DRC11: variants seen among roughly 807,000 people sequenced by gnomAD.
DRC11 encodes IQ and AAA domain-containing protein 1.
chr2:236,423,680 A>T, the DRC11 span, among the ~76,000 whole-genome samples: 1 of 152,166 alleles, frequency 6.6e-6, no homozygotes, highest in Non-Finnish European at 1.5e-5. Flanking sequence ...ATACTATTTG[A>T]CCCAGCCATC....
At chr2:236,491,180 T>TATATATATATATATATATAC in the DRC11 span, among the ~76,000 whole-genome samples, 1 of 43,718 alleles carries the variant, frequency 2.3e-5, no homozygotes, top group Non-Finnish European at 4.2e-5. Context: ...TATATATATA[T>TATATATATATATATATATAC]ACACACAGTA....
chr2:236,390,517 T>C, the DRC11 span, among the ~76,000 whole-genome samples: 2 of 152,204 alleles, frequency 1.3e-5, no homozygotes, highest in East Asian at 3.8e-4. This position sits in a 1 kb window ranked among gnomAD's most constrained non-coding sequence, Gnocchi z 5.9. Context: ...GTTATTTCTA[T>C]TTTGAGGTTC....
chr2:236,332,617 G>A, the DRC11 span: 1 of 152,158 alleles, frequency 6.6e-6, no homozygotes, highest in Non-Finnish European at 1.5e-5. This position sits in a 1 kb window ranked among gnomAD's most constrained non-coding sequence, Gnocchi z 5.1. Flanking sequence ...CCTGGTAAGC[G>A]GTTAATTCTG....
chr2:236,496,766 C>G, the DRC11 span, among the ~76,000 whole-genome samples: 2 of 152,166 alleles, frequency 1.3e-5, no homozygotes, highest in Non-Finnish European at 1.5e-5. This position sits in a 1 kb window ranked among gnomAD's most constrained non-coding sequence, Gnocchi z 6.3. Context: ...CAATAGGGAA[C>G]CTGTGACCAA....
the DRC11 span, among the ~76,000 whole-genome samples, chr2:236,500,121 C>CGGT: frequency 7.1e-6 from 1 of 140,140 alleles, no homozygotes; most frequent in East Asian, 2.2e-4. This position sits in a 1 kb window ranked among gnomAD's most constrained non-coding sequence, Gnocchi z 6.3. Flanking sequence ...ATGATGATGG[C>CGGT]GAAGGTAACA....
At chr2:236,380,712 CG>C in the DRC11 span, 1 of 1,122,608 alleles carries the variant, frequency 8.9e-7, no homozygotes, top group Non-Finnish European at 1.3e-6. The surrounding 1 kb of genome is among the most constrained non-coding windows in gnomAD (Gnocchi z 4.9). Context: ...TAGCTAAGCA[CG>C]TTGTTTTCTG....
At chr2:236,394,702 T>C in the DRC11 span, among the ~76,000 whole-genome samples, 2 of 151,916 alleles carry the variant, frequency 1.3e-5, no homozygotes, top group Non-Finnish European at 2.9e-5. The surrounding 1 kb of genome is among the most constrained non-coding windows in gnomAD (Gnocchi z 7.0). Flanking sequence ...GAAGGGGTTG[T>C]CTGCCACACA....
the DRC11 span, among the ~76,000 whole-genome samples, chr2:236,387,078 TC>T: frequency 8.5e-5 from 13 of 152,090 alleles, no homozygotes; most frequent in Non-Finnish European, 1.0e-4. Context: ...GAGCTTTACT[TC>T]CCAGTATGTG....
the DRC11 span, among the ~76,000 whole-genome samples, chr2:236,467,994 T>G: frequency 6.6e-6 from 1 of 152,296 alleles, no homozygotes; most frequent in South Asian, 2.1e-4. Flanking sequence ...TAAAATCAGT[T>G]AAAAGAGAAA....
At chr2:236,497,147 A>C in the DRC11 span, 1 of 1,580,688 alleles carries the variant, frequency 6.3e-7, no homozygotes, top group Non-Finnish European at 8.6e-7. The surrounding 1 kb of genome is among the most constrained non-coding windows in gnomAD (Gnocchi z 5.1). Flanking sequence ...TAATAAGAAA[A>C]CAACAGAGTG....
At chr2:236,320,425 C>T in the DRC11 span, among the ~76,000 whole-genome samples, 5 of 152,218 alleles carry the variant, frequency 3.3e-5, no homozygotes, top group Non-Finnish European at 4.4e-5. Flanking sequence ...TGACCACCTA[C>T]CACAATTACG....
the DRC11 span, among the ~76,000 whole-genome samples, chr2:236,359,073 G>C: frequency 1.3e-5 from 2 of 152,008 alleles, no homozygotes; most frequent in African/African-American, 4.8e-5. The surrounding 1 kb of genome is among the most constrained non-coding windows in gnomAD (Gnocchi z 4.3). Flanking sequence ...ACAGGCAAGG[G>C]AAGGCCAGGG....
chr2:236,346,841 G>A, the DRC11 span: 23,634 of 166,896 alleles, frequency 0.14, 1,843 homozygotes, highest in Admixed American at 0.19. Context: ...AAGATCTCAG[G>A]GGTTGGGCGA....
At chr2:236,472,554 GT>G in the DRC11 span, among the ~76,000 whole-genome samples, 1 of 152,146 alleles carries the variant, frequency 6.6e-6, no homozygotes, top group East Asian at 1.9e-4. The surrounding 1 kb of genome is among the most constrained non-coding windows in gnomAD (Gnocchi z 4.6). Context: ...AAAAGTTATA[GT>G]TGTTGATAGT....
the DRC11 span, among the ~76,000 whole-genome samples, chr2:236,393,355 G>A: frequency 6.6e-5 from 10 of 152,140 alleles, no homozygotes; most frequent in Non-Finnish European, 8.8e-5. The surrounding 1 kb of genome is among the most constrained non-coding windows in gnomAD (Gnocchi z 4.7). Flanking sequence ...AGAGGCTGCA[G>A]GCCTCCAAGG....
At chr2:236,364,745 A>T in the DRC11 span, among the ~76,000 whole-genome samples, 9 of 152,212 alleles carry the variant, frequency 5.9e-5, no homozygotes, top group Non-Finnish European at 1.3e-4. Flanking sequence ...AAGTGCTGTG[A>T]TCAAATCATT....
the DRC11 span, among the ~76,000 whole-genome samples, chr2:236,413,524 T>A: frequency 6.6e-6 from 1 of 152,226 alleles, no homozygotes; most frequent in Non-Finnish European, 1.5e-5. The surrounding 1 kb of genome is among the most constrained non-coding windows in gnomAD (Gnocchi z 4.0). Context: ...TGTTCTAAAA[T>A]AACCTAAGAA....
the DRC11 span, among the ~76,000 whole-genome samples, chr2:236,477,533 T>C: frequency 3.3e-5 from 5 of 152,110 alleles, no homozygotes; most frequent in Non-Finnish European, 7.4e-5. Context: ...AGTGGGCCCA[T>C]GCAGTTCAAA....
chr2:236,454,130 G>A, the DRC11 span, among the ~76,000 whole-genome samples: 2 of 152,156 alleles, frequency 1.3e-5, no homozygotes, highest in African/African-American at 4.8e-5. The surrounding 1 kb of genome is among the most constrained non-coding windows in gnomAD (Gnocchi z 5.3). Context: ...TAGAGGGTAT[G>A]CTGGACCCAA....
Sources: allele counts gnomAD v4.1 joint callset (sites outside exome capture counted in the v4.1 genomes callset), GRCh38; gene constraint gnomAD v4.1.1; non-coding constraint Gnocchi (gnomAD v3.1); transcripts MANE v1.5; gene names NCBI Gene and HGNC (gene_info 2026-07-23, HGNC 2026-07-21).